Variants in NDST3 observed in about 807,000 individuals in gnomAD.
The protein encoded by NDST3 is N-deacetylase and N-sulfotransferase 3.
NDST3 carries 58 observed loss-of-function variants against 96.1 expected under a neutral mutation model. The ratio of observed to expected loss-of-function variants is 0.60; its 90% CI spans 0.49 to 0.75. The LOEUF is 0.75. NDST3 is among the 30% of genes least tolerant of loss of function. NDST3 has a pLI of 0.00. For synonymous variants in NDST3, 333 were observed against 359.7 expected (o/e 0.93, Z 0.84); for missense variants, 788 against 1,034.2 (o/e 0.76, Z 3.27).
chr4:118,071,185 C>T (rs889015546), intron 2 of NDST3, among the ~76,000 whole-genome samples: 4 of 152,054 alleles, frequency 2.6e-5, no homozygotes, highest in African/African-American at 7.2e-5. Context: ...AATAAACATA[C>T]GTGTGCATGT....
intron 3 of NDST3, among the ~76,000 whole-genome samples, chr4:118,105,736 A>G (rs1730126074): frequency 6.6e-6 from 1 of 152,014 alleles, no homozygotes; most frequent in Non-Finnish European, 1.5e-5. Flanking sequence ...CCAGACTTTG[A>G]GTTTTTCTGA....
chr4:118,197,803 C>CTT (rs749135213), intron 6 of NDST3, among the ~76,000 whole-genome samples: 1,469 of 127,358 alleles, frequency 0.012, 23 homozygotes, highest in South Asian at 0.03. Flanking sequence ...TGGCTTTTGG[C>CTT]TTTTTTTTTT....
intron 6 of NDST3, among the ~76,000 whole-genome samples, chr4:118,172,097 T>A (rs920024440): frequency 6.6e-6 from 1 of 152,194 alleles, no homozygotes; most frequent in Non-Finnish European, 1.5e-5. Flanking sequence ...TATCGGGCCA[T>A]CTCAATGTTC....
intron 12 of NDST3, among the ~76,000 whole-genome samples, chr4:118,251,087 T>TA (rs1741679296): frequency 8.8e-5 from 12 of 136,240 alleles, no homozygotes; most frequent in Middle Eastern, 4.0e-3. Flanking sequence ...AGCTATAAAT[T>TA]TTTTATTTAT....
intron 4 of NDST3, among the ~76,000 whole-genome samples, chr4:118,128,110 T>C (rs1209841935): frequency 3.3e-5 from 5 of 152,106 alleles, no homozygotes; most frequent in Non-Finnish European, 7.4e-5. Flanking sequence ...TTTCCAAATA[T>C]AAGATTATAT....
chr4:118,146,209 G>C (rs2125909888), intron 6 of NDST3, among the ~76,000 whole-genome samples: 1 of 152,274 alleles, frequency 6.6e-6, no homozygotes, highest in Non-Finnish European at 1.5e-5. Flanking sequence ...ATTAGCTGCA[G>C]GAAAGTCATG....
At chr4:118,240,721 T>C (rs1002574118) in intron 11 of NDST3, 27 bp downstream of exon 11, 1 of 1,590,516 alleles carries the variant, frequency 6.3e-7, no homozygotes, top group Non-Finnish European at 8.6e-7. Flanking sequence ...ATTTACATCA[T>C]GTTAGAATCT....
chr4:118,191,491 C>G (rs190990550), intron 6 of NDST3, among the ~76,000 whole-genome samples: 2 of 152,044 alleles, frequency 1.3e-5, no homozygotes, highest in Admixed American at 6.6e-5. Flanking sequence ...GGATGGAGTC[C>G]ATTAAGGAAT....
chr4:118,121,281 T>C (rs1269096185), intron 4 of NDST3, among the ~76,000 whole-genome samples: 1 of 152,224 alleles, frequency 6.6e-6, no homozygotes, highest in Non-Finnish European at 1.5e-5. Flanking sequence ...TTTAGCTGTG[T>C]TCCCTTGGTA....
At chr4:118,158,387 T>C (rs1734848225) in intron 6 of NDST3, among the ~76,000 whole-genome samples, 1 of 152,124 alleles carries the variant, frequency 6.6e-6, no homozygotes, top group African/African-American at 2.4e-5. Context: ...AGAAATCAGC[T>C]AAAAGTGCTC....
At chr4:118,123,917 T>C (rs1213195027) in intron 4 of NDST3, among the ~76,000 whole-genome samples, 2 of 152,208 alleles carry the variant, frequency 1.3e-5, no homozygotes, top group Admixed American at 1.3e-4. Flanking sequence ...TGCTACCTTT[T>C]ATAGCCCTTT....
rs367651782 is a variant in NDST3, at chr4:118,052,320, G to A, written c.-155-1436G>A. Among the ~76,000 whole-genome samples the A allele has an allele frequency of 1.2e-4, 18 of 152,100 alleles. No homozygotes were observed. In the East Asian group the frequency reaches 1.9e-3, roughly 16 times the overall value. On this transcript the variant is annotated intron_variant, in intron 1 of 13. Coordinates refer to ENST00000296499, the MANE Select transcript of NDST3 (RefSeq NM_004784.3). ...TACCACATGTTCTCACTTACAAGTG[G>A]GAGCTAAACCCTGAGCACACATGGA...
chr4:118,138,103 C>T lies in NDST3; in HGVS notation c.1274C>T (p.Ser425Leu), dbSNP rs1239359515. 10 of 1,613,364 alleles carry T rather than the reference C, an allele frequency of 6.2e-6. No homozygotes were observed. The highest frequency in any genetic ancestry group is 1.1e-5 in the South Asian group (1 of 90,994). Residue 425 changes from serine (S) to leucine (L), a missense_variant, in exon 5 of 14, where the codon TCG (serine) becomes TTG (leucine). Physicochemically the swap from Ser to Leu is moderately radical, Grantham distance 145. Transcript: ENST00000296499. The part of the protein sequence containing the change: ...DMGYAVAPHH[S>L]GVYPVHVQLY... ...GGCTACGCTGTGGCCCCTCACCATT[C>T]GGGCGTCTACCCTGTACATGTTCAG...
intron 6 of NDST3, among the ~76,000 whole-genome samples, chr4:118,205,893 C>G (rs1437277219): frequency 1.5e-5 from 2 of 137,716 alleles, no homozygotes; most frequent in Non-Finnish European, 3.2e-5. Context: ...AGTGCAGTGC[C>G]GCGATCTCGG....
intron 3 of NDST3, among the ~76,000 whole-genome samples, chr4:118,109,312 G>T (rs1186608232): frequency 6.6e-6 from 1 of 152,198 alleles, no homozygotes; most frequent in African/African-American, 2.4e-5. Flanking sequence ...GTGTTTAGGG[G>T]GAGAGGGAGA....
At chr4:118,194,526 AT>A in intron 6 of NDST3, 1 of 722,264 alleles carries the variant, frequency 1.4e-6, no homozygotes, top group South Asian at 1.4e-5. Context: ...TCAAAGGAGA[AT>A]TTGTCCTTGT....
chr4:118,167,116 C>G (rs1735604427), intron 6 of NDST3, among the ~76,000 whole-genome samples: 1 of 151,230 alleles, frequency 6.6e-6, no homozygotes, highest in Non-Finnish European at 1.5e-5. Context: ...TTGGAAATGA[C>G]ATGATCTTAT....
At chr4:118,170,240 T>G (rs188993466) in intron 6 of NDST3, among the ~76,000 whole-genome samples, 83 of 152,312 alleles carry the variant, frequency 5.4e-4, no homozygotes, top group African/African-American at 2.0e-3. Flanking sequence ...TTGGGGAAAT[T>G]TAAATCTGGA....
intron 2 of NDST3, chr4:118,055,582 T>C (rs1040035575): frequency 2.6e-5 from 4 of 152,060 alleles, no homozygotes; most frequent in African/African-American, 9.6e-5. Context: ...TAGTTTGTCA[T>C]TATTATGAGT....
Sources: gnomAD v4.1 joint callset for allele counts (sites outside exome capture counted in the v4.1 genomes callset) on GRCh38, gnomAD v4.1.1 for gene constraint, MANE v1.5 for transcripts, NCBI Gene and HGNC (gene_info 2026-07-23, HGNC 2026-07-21) for gene names.